PLEC: variants seen among roughly 807,000 people sequenced by gnomAD.
PLEC encodes the protein hemidesmosomal protein 1.
In PLEC, 216 loss-of-function variants were observed where a neutral mutation model predicts 392.8. The observed-to-expected ratio is 0.55, with a 90% CI of 0.49 to 0.62. The LOEUF is 0.62. Ranked by LOEUF, PLEC falls within the 20% of genes least tolerant of loss-of-function variation. PLEC has a pLI of 0.00. For missense variants in PLEC, 6,863 were observed against 6,563.4 expected, an observed-to-expected ratio of 1.05 and a Z score of -1.58; for synonymous variants, 3,621 against 2,980.6, an observed-to-expected ratio of 1.21 and a Z score of -7.00.
At position 143,919,559 on chromosome 8, in the gene PLEC, T is replaced by C; in HGVS notation, c.10262A>G (p.Glu3421Gly). 1 of 1,608,038 alleles carries C rather than the reference T, an allele frequency of 6.2e-7. No homozygotes were observed. Among genetic ancestry groups the C allele is most frequent in the East Asian group, 2.2e-5 (1 of 44,828 alleles). The change falls in exon 32 of 32, where the codon GAG becomes GGG. Residue 3421 changes from glutamate (E) to glycine (G), a missense_variant. Coordinates refer to ENST00000345136, the MANE Select transcript of PLEC (RefSeq NM_201384.3). ...EAVKAGVVGP[E>G]LHEQLLSAEK... ...GGCAGACAGCAGCTGCTCGTGAAGC[T>C]CGGGGCCCACCACGCCCGCCTTCAC...
At chr8:143,955,128 G>T (rs1436159327), upstream of PLEC, among the ~76,000 whole-genome samples, 1 of 152,150 alleles carries the variant, frequency 6.6e-6, no homozygotes, top group Non-Finnish European at 1.5e-5. Context: ...GGTGTGGGGA[G>T]TCTCAAGAAA....
At position 143,932,628 on chromosome 8, in the gene PLEC, C is replaced by A. The variant is rs782142476; in HGVS notation, c.1815+7G>T. 1.2e-6 allele frequency: 2 copies of A among 1,611,062 alleles called. No individual in the cohort carries two copies. Among genetic ancestry groups the A allele is most frequent in the African/African-American group, 1.3e-5 (1 of 74,878 alleles). On this transcript the variant is annotated splice_region_variant and intron_variant, in intron 15 of 31. Coordinates refer to ENST00000345136, the MANE Select transcript of PLEC (RefSeq NM_201384.3). Reference sequence around the variant, plus strand: ...CACCTCCCCCGGCTGGCCCTGCCCCCACTCACCAGCAGCTTGGCGTACTGC... The same window carrying A: ...CACCTCCCCCGGCTGGCCCTGCCCCAACTCACCAGCAGCTTGGCGTACTGC...
rs1563937615 is a variant in PLEC, at chr8:143,917,983, C to G, written c.11838G>C (p.Arg3946=). Residue 3946 remains arginine, a synonymous_variant, in exon 32 of 32, where the codon CGG becomes CGC. Coordinates refer to ENST00000345136, the MANE Select transcript of PLEC (RefSeq NM_201384.3). ...TCTTCATGGCCTGGTACACCGAGAG[C>G]CGTTCCTTGGTGGCGTCCACGAAGA... The part of the protein sequence containing the change: ...AGVFVDATKE[R]LSVYQAMKKG... 1 of 1,612,594 alleles carries G rather than the reference C, an allele frequency of 6.2e-7. No homozygotes were observed. Among genetic ancestry groups the G allele is most frequent in the East Asian group, 2.2e-5 (1 of 44,870 alleles).
intron 1 of PLEC, among the ~76,000 whole-genome samples, chr8:143,963,000 T>A (rs1832936856): frequency 6.6e-6 from 1 of 152,214 alleles, no homozygotes; most frequent in Admixed American, 6.5e-5. Flanking sequence ...TCTGCAGAGA[T>A]GAGGTATGTG....
In PLEC at chr8:143,918,489, G is replaced by A; in HGVS notation, c.11332C>T (p.Gln3778Ter). 1 of 1,600,552 alleles carries A rather than the reference G, an allele frequency of 6.2e-7. No individual in the cohort carries two copies. The highest frequency in any genetic ancestry group is 8.5e-7 in the Non-Finnish European group (1 of 1,174,964). ...ATGGCCTGGAAGAGCGAGATGGTCT[G>A]CTCGGTGTAGGGGTCACGGTAGCCG... ...VTGYRDPYTE[Q>*]TISLFQAMKK... The change falls in exon 32 of 32, where the codon CAG becomes TAG. Residue 3778 changes from glutamine to a stop codon, truncating the protein, a stop_gained. Transcript: ENST00000345136. LOFTEE classifies it high-confidence loss of function.
chr8:143,937,128 G>T, intron 4 of PLEC, 37 bp downstream of exon 4: 1 of 1,607,978 alleles, frequency 6.2e-7, no homozygotes, highest in Non-Finnish European at 8.5e-7. Context: ...TTGGTGAGGG[G>T]TCTGGGTGGG....
Position 143,917,956 on chromosome 8 carries a change from C to G in PLEC, c.11865G>C (p.Lys3955Asn). ...AGGCTGTGCCGGGGCGGATGATGCC[C>G]TTCTTCATGGCCTGGTACACCGAGA... ...ERLSVYQAMKKGIIRPGTAFE... is the reference protein window; with the variant it reads ...ERLSVYQAMKNGIIRPGTAFE... Residue 3955 changes from lysine to asparagine, a missense_variant, in exon 32 of 32, where the codon AAG becomes AAC. By Grantham distance (94) the Lys-to-Asn change is moderately conservative. Transcript: ENST00000345136. The G allele has an allele frequency of 6.2e-7, 1 of 1,613,026 alleles. No individual in the cohort carries two copies. The highest frequency in any genetic ancestry group is 8.5e-7 in the Non-Finnish European group (1 of 1,180,000).
Position 143,927,943 on chromosome 8 carries a change from C to T in PLEC, c.3310G>A (p.Val1104Met), listed in dbSNP as rs1554709035. The T allele has an allele frequency of 6.2e-7, 1 of 1,600,418 alleles. No individual in the cohort carries two copies. The highest frequency in any genetic ancestry group is 1.1e-5 in the South Asian group (1 of 89,802). ...AGCTGCTCCTCGTGGGCCCTGAGCA[C>T]CTCCTCGGCCCCCTGCGTGCCGCGG... is the stretch of plus-strand genomic sequence containing the variant. ...VIRGTQGAEE[V>M]LRAHEEQLKE... is the part of the protein sequence containing the mutation. The change falls in exon 26 of 32, where the codon GTG (valine) becomes ATG (methionine). Residue 1104 changes from valine (V) to methionine (M), a missense_variant. Transcript: ENST00000345136.
intron 15 of PLEC, 26 bp downstream of exon 15, chr8:143,932,609 C>T (rs782037780): frequency 6.2e-7 from 1 of 1,611,782 alleles, no homozygotes; most frequent in South Asian, 1.1e-5. Flanking sequence ...TACCCACCTC[C>T]CCCGGCTGGC....
At position 143,950,069 on chromosome 8, in the gene PLEC, C is replaced by T. The variant is rs1009550407; in HGVS notation, c.523+115G>A. Reference sequence around the variant, plus strand: ...GGGGGCCACCTGCTGGTGTGAGCGACGCTCCGCAAGCCGGCTGACCACTCC... The same window carrying T: ...GGGGGCCACCTGCTGGTGTGAGCGATGCTCCGCAAGCCGGCTGACCACTCC... On this transcript the variant is annotated intron_variant, in intron 1 of 31. Transcript: ENST00000322810. 3.7e-5 allele frequency: 50 copies of T among 1,338,678 alleles called. 1 individual carries two copies. The highest frequency in any genetic ancestry group is 1.4e-4 in the South Asian group (9 of 64,684). The allele number at this position is 1,338,678 out of a possible 1,614,324, so 82.9% of individuals were successfully genotyped here.
chr8:143,953,187 C>T (rs1204486813), upstream of PLEC, among the ~76,000 whole-genome samples: 6 of 151,422 alleles, frequency 4.0e-5, no homozygotes, highest in Non-Finnish European at 5.9e-5. Flanking sequence ...GCGGCCCCTT[C>T]TCCCCCCACT....
upstream of PLEC, among the ~76,000 whole-genome samples, chr8:143,942,071 C>T (rs1477612502): frequency 6.6e-6 from 1 of 152,146 alleles, no homozygotes; most frequent in Non-Finnish European, 1.5e-5. Flanking sequence ...GGAGCCCCGC[C>T]TTCAGCACCT....
Position 143,918,147 on chromosome 8 carries a change from T to C in PLEC, c.11674A>G (p.Ile3892Val), listed in dbSNP as rs782172300. 6.3e-6 allele frequency: 10 copies of C among 1,599,066 alleles called. No homozygotes were observed. The highest frequency in any genetic ancestry group is 7.6e-6 in the Non-Finnish European group (9 of 1,179,294). ...GAGCGCACCAGCTCCTCCATGGTGA[T>C]CTGCTTCCGCAGGCCACGGAAGGTC... is the stretch of plus-strand genomic sequence containing the variant. ...KLTFRGLRKQ[I>V]TMEELVRSQV... The change falls in exon 32 of 32, where the codon ATC becomes GTC. Residue 3892 changes from isoleucine (I) to valine (V), a missense_variant. Transcript: ENST00000345136.
chr8:143,939,723 TC>T, upstream of PLEC: 4 of 1,189,478 alleles, frequency 3.4e-6, no homozygotes, highest in Non-Finnish European at 4.4e-6. Context: ...AGCAGCCCCC[TC>T]CCCCACAGAC....
chr8:143,919,782 C>A lies in PLEC; in HGVS notation c.10039G>T (p.Val3347Leu), dbSNP rs782748769. 5.6e-6 allele frequency: 9 copies of A among 1,612,306 alleles called. 1 individual carries two copies. The African/African-American group carries it at 8.0e-5, about 14-fold the overall frequency. ...TVKDLSELGS[V>L]RTLLQGSGCL... ...CCACTGCCCTGCAGCAGCGTCCGCACGGAGCCCAGCTCCGAAAGGTCCTTG... is the reference window on the plus strand; with the variant it reads ...CCACTGCCCTGCAGCAGCGTCCGCAAGGAGCCCAGCTCCGAAAGGTCCTTG... The change falls in exon 32 of 32, where the codon GTG becomes TTG. Residue 3347 changes from valine to leucine, a missense_variant. Coordinates refer to ENST00000345136, the MANE Select transcript of PLEC (RefSeq NM_201384.3).
intron 1 of PLEC, among the ~76,000 whole-genome samples, chr8:143,972,727 G>A (rs1339061256): frequency 6.6e-6 from 1 of 152,246 alleles, no homozygotes; most frequent in African/African-American, 2.4e-5. Context: ...AGGCAGCTGG[G>A]CTGCAAGAAT....
rs201782280 is a variant in PLEC at position 143,929,485 on chromosome 8, C to T, written c.3010G>A (p.Val1004Met). 1.3e-4 allele frequency: 216 copies of T among 1,606,348 alleles called. No individual in the cohort carries two copies. The highest frequency in any genetic ancestry group is 5.3e-4 in the Middle Eastern group (3 of 5,692). The change falls in exon 24 of 32, where the codon GTG (valine) becomes ATG (methionine). Residue 1004 changes from valine (V) to methionine (M), a missense_variant. Physicochemically the swap from Val to Met is conservative, Grantham distance 21. Transcript: ENST00000345136. ...TCCAGCGGCAGCCGCAGGCGGTGCA[C>T]GGTGCGCGTCTCACAGGCCTCCAGC... ...LQLEACETRT[V>M]HRLRLPLDKE...
In PLEC at chr8:143,922,630, T is replaced by G. The variant is rs782540007; in HGVS notation, c.7299A>C (p.Thr2433=). 2 of 1,613,610 alleles carry G rather than the reference T, an allele frequency of 1.2e-6. No homozygotes were observed. The highest frequency in any genetic ancestry group is 1.7e-6 in the Non-Finnish European group (2 of 1,179,958). The change falls in exon 31 of 32, where the codon ACA becomes ACC. Residue 2433 remains threonine (T), a synonymous_variant. Coordinates refer to ENST00000345136, the MANE Select transcript of PLEC (RefSeq NM_201384.3). ...ATQEKVTLVQ[T]LEIQRQQSDH... ...CACTCTGCTGTCGCTGGATCTCCAGTGTCTGCACCAGGGTCACCTTCTCCT... is the reference window on the plus strand; with the variant it reads ...CACTCTGCTGTCGCTGGATCTCCAGGGTCTGCACCAGGGTCACCTTCTCCT...
At chr8:143,972,801 G>A (rs571826828) in intron 1 of PLEC, among the ~76,000 whole-genome samples, 3 of 152,340 alleles carry the variant, frequency 2.0e-5, no homozygotes, top group East Asian at 3.9e-4. Flanking sequence ...TAGGGCAAGG[G>A]GGTCTGCCGA....
Sources: allele counts gnomAD v4.1 joint callset (sites outside exome capture counted in the v4.1 genomes callset), GRCh38; gene constraint gnomAD v4.1.1; transcripts MANE v1.5; gene names NCBI Gene and HGNC (gene_info 2026-07-23, HGNC 2026-07-21).